CSMD1: variants seen among roughly 807,000 people sequenced by gnomAD.
CSMD1 encodes the protein CUB and Sushi multiple domains 1.
CSMD1 carries 213 observed loss-of-function variants against 417.5 expected under a neutral mutation model. The ratio of observed to expected loss-of-function variants is 0.51; its 90% confidence interval spans 0.46 to 0.57. CSMD1 has a LOEUF of 0.57. Among genes scored for constraint, CSMD1 ranks in the 20% least tolerant of loss-of-function variants. The probability of loss-of-function intolerance (pLI) is 0.00; values close to 1 mark genes in which losing one functional copy is unlikely to be tolerated. For synonymous variants in CSMD1, 2,862 were observed against 1,736.8 expected (o/e 1.65, Z -16.11); for missense variants, 6,923 against 4,529.7 (o/e 1.53, Z -15.17).
chr8:4,869,841 TTC>T (rs1180502339), intron 1 of CSMD1, among the ~76,000 whole-genome samples: 2 of 152,058 alleles, frequency 1.3e-5, no homozygotes, highest in Admixed American at 6.5e-5. Flanking sequence ...TTATCATATA[TTC>T]TCTCTCTCTT....
chr8:4,196,818 T>G (rs1241745566), intron 3 of CSMD1, among the ~76,000 whole-genome samples: 2 of 152,162 alleles, frequency 1.3e-5, no homozygotes, highest in African/African-American at 4.8e-5. Flanking sequence ...GATTAAGGAA[T>G]GAACACACTG....
At chr8:3,091,687 C>T (rs776457552) in intron 47 of CSMD1, 25 bp from the exon 48 acceptor site, 1 of 1,598,168 alleles carries the variant, frequency 6.3e-7, no homozygotes, top group Non-Finnish European at 8.5e-7. Context: ...AAAACAAAAA[C>T]ATTCAGAGAT....
intron 2 of CSMD1, among the ~76,000 whole-genome samples, chr8:4,487,123 A>G (rs549510576): frequency 1.3e-5 from 2 of 152,314 alleles, no homozygotes; most frequent in African/African-American, 2.4e-5. Flanking sequence ...ACCAGATCAT[A>G]TAAGGCACTA....
intron 3 of CSMD1, among the ~76,000 whole-genome samples, chr8:4,158,474 G>C (rs568502885): frequency 3.9e-5 from 6 of 152,174 alleles, no homozygotes; most frequent in Non-Finnish European, 5.9e-5. Context: ...ACAGCCGCTA[G>C]TGCAGTCATC....
chr8:3,673,527 T>C (rs1395176288), intron 7 of CSMD1, among the ~76,000 whole-genome samples: 1 of 152,206 alleles, frequency 6.6e-6, no homozygotes, highest in African/African-American at 2.4e-5. Flanking sequence ...CAGGAGAAAG[T>C]GTTTGCATCT....
intron 18 of CSMD1, among the ~76,000 whole-genome samples, chr8:3,387,062 G>T (rs1811047370): frequency 6.6e-6 from 1 of 152,190 alleles, no homozygotes; most frequent in African/African-American, 2.4e-5. Context: ...GAACTCCCAG[G>T]AGAAGGCTCT....
intron 5 of CSMD1, among the ~76,000 whole-genome samples, chr8:3,852,864 C>T (rs1032725849): frequency 6.6e-6 from 1 of 152,186 alleles, no homozygotes; most frequent in African/African-American, 2.4e-5. Flanking sequence ...CAGAATCAAT[C>T]CCTCCAGCAT....
chr8:4,308,443 A>C (rs1255847822), intron 3 of CSMD1, among the ~76,000 whole-genome samples: 2 of 152,070 alleles, frequency 1.3e-5, no homozygotes, highest in East Asian at 1.9e-4. Context: ...ATGGGAAAAA[A>C]GGTTTAGAAA....
At chr8:4,257,428 C>G (rs949754731) in intron 3 of CSMD1, among the ~76,000 whole-genome samples, 6 of 152,118 alleles carry the variant, frequency 3.9e-5, no homozygotes, top group Admixed American at 6.5e-5. Flanking sequence ...GCACTTTTCT[C>G]TCTCTTTAGG....
chr8:3,909,008 A>G (rs889584898), intron 5 of CSMD1, among the ~76,000 whole-genome samples: 63 of 152,194 alleles, frequency 4.1e-4, no homozygotes, highest in African/African-American at 1.3e-3. Flanking sequence ...TCACTACTGT[A>G]GGAGGCTTGC....
chr8:2,994,176 GAAGAAGAAAGAAAGT>G (rs928091977), intron 54 of CSMD1, among the ~76,000 whole-genome samples: 3 of 114,278 alleles, frequency 2.6e-5, no homozygotes, highest in African/African-American at 1.1e-4. Context: ...AAAAAAGCAA[GAAGAAGAAAGAAAGT>G]AAGAAGGAAG....
intron 47 of CSMD1, among the ~76,000 whole-genome samples, chr8:3,093,890 G>C (rs1450904259): frequency 6.6e-6 from 1 of 152,168 alleles, no homozygotes; most frequent in South Asian, 2.1e-4. Flanking sequence ...TTTCCTGGGA[G>C]ATGCCCTGCA....
At chr8:4,160,082 A>AT (rs1188461527) in intron 3 of CSMD1, among the ~76,000 whole-genome samples, 2 of 128,424 alleles carry the variant, frequency 1.6e-5, no homozygotes, top group South Asian at 2.9e-4. Flanking sequence ...AAAGTATGGA[A>AT]TTTAAAAAAA....
intron 3 of CSMD1, among the ~76,000 whole-genome samples, chr8:4,211,002 C>A (rs1038660856): frequency 6.6e-6 from 1 of 152,060 alleles, no homozygotes; most frequent in Admixed American, 6.6e-5. Context: ...ACAGAAAGAA[C>A]CACAATGAAA....
chr8:4,519,782 A>AAAAAAAAAAAAAAAAAATT (rs1803333257), intron 2 of CSMD1, among the ~76,000 whole-genome samples: 1 of 131,756 alleles, frequency 7.6e-6, no homozygotes, highest in African/African-American at 2.8e-5. Context: ...AAAAAAAAAA[A>AAAAAAAAAAAAAAAAAATT]TTCTTGCCTT....
intron 12 of CSMD1, among the ~76,000 whole-genome samples, chr8:3,435,009 C>A (rs372038190): frequency 6.7e-6 from 1 of 149,226 alleles, no homozygotes; most frequent in Non-Finnish European, 1.5e-5. Context: ...GGACAGGGAG[C>A]TGGTAGCAGA....
chr8:4,066,025 G>C (rs1370286125), intron 3 of CSMD1, among the ~76,000 whole-genome samples: 1 of 152,218 alleles, frequency 6.6e-6, no homozygotes, highest in Non-Finnish European at 1.5e-5. Context: ...CTTGGAGGAA[G>C]TCAGAAGGAG....
chr8:4,073,819 G>A (rs1199996504), intron 3 of CSMD1, among the ~76,000 whole-genome samples: 2 of 152,056 alleles, frequency 1.3e-5, no homozygotes, highest in Admixed American at 1.3e-4. Flanking sequence ...TTAATTGGTT[G>A]AAAATTGCTT....
intron 2 of CSMD1, among the ~76,000 whole-genome samples, chr8:4,474,713 ACTTT>A (rs1024408176): frequency 4.6e-5 from 7 of 152,072 alleles, no homozygotes; most frequent in African/African-American, 1.4e-4. Context: ...TCCCACGTGG[ACTTT>A]CTTCTCCCTC....
Sources: gnomAD v4.1 joint callset for allele counts (sites outside exome capture counted in the v4.1 genomes callset) on GRCh38, gnomAD v4.1.1 for gene constraint, MANE v1.5 for transcripts, NCBI Gene and HGNC (gene_info 2026-07-23, HGNC 2026-07-21) for gene names.